POLN: variants seen among roughly 807,000 people sequenced by gnomAD.
POLN encodes DNA polymerase N.
A neutral mutation model predicts 113.5 loss-of-function variants in POLN; 108 were observed. The observed-to-expected ratio is 0.95, with a 90% confidence interval of 0.81 to 1.12. POLN has a LOEUF of 1.12. Among genes scored for constraint, POLN ranks in the 50% most tolerant of loss-of-function variants. POLN has a pLI of 0.00. For missense variants in POLN, 1,097 were observed against 1,077.1 expected, an observed-to-expected ratio of 1.02 and a Z score of -0.26; for synonymous variants, 386 against 391.5, an observed-to-expected ratio of 0.99 and a Z score of 0.17.
intron 16 of POLN, among the ~76,000 whole-genome samples, chr4:2,149,891 G>T (rs1732247732): frequency 6.6e-6 from 1 of 152,072 alleles, no homozygotes; most frequent in African/African-American, 2.4e-5. Flanking sequence ...AGACCAGCCT[G>T]GCCAACATAG....
chr4:2,144,517 G>T (rs572476892), intron 16 of POLN, among the ~76,000 whole-genome samples: 1 of 152,036 alleles, frequency 6.6e-6, no homozygotes, highest in East Asian at 1.9e-4. Context: ...ATCCTGCCAC[G>T]TGCCAGCTAT....
intron 16 of POLN, chr4:2,156,365 G>A (rs1173910188): frequency 7.1e-6 from 3 of 420,182 alleles, no homozygotes; most frequent in Non-Finnish European, 1.4e-5. Context: ...AAGTTCAAGG[G>A]AATTTAGAGC....
chr4:2,188,315 C>T (rs1238843643), intron 7 of POLN, among the ~76,000 whole-genome samples: 5 of 152,066 alleles, frequency 3.3e-5, no homozygotes, highest in Non-Finnish European at 7.4e-5. Flanking sequence ...AAGAAAAAAA[C>T]ACGGGCCGGG....
At chr4:2,191,395 C>T (rs59723681) in intron 7 of POLN, among the ~76,000 whole-genome samples, 12,590 of 152,022 alleles carry the variant, frequency 0.083, 779 homozygotes, top group African/African-American at 0.16. Context: ...CATAGTTAGG[C>T]AGAAGAAAGA....
intron 16 of POLN, among the ~76,000 whole-genome samples, chr4:2,146,600 C>T (rs776172753): frequency 4.0e-5 from 6 of 151,716 alleles, no homozygotes; most frequent in Non-Finnish European, 7.4e-5. Context: ...TAGCTTGTTA[C>T]TAGGAAAAGG....
At chr4:2,203,320 G>T (rs1044149406) in intron 5 of POLN, among the ~76,000 whole-genome samples, 1 of 152,084 alleles carries the variant, frequency 6.6e-6, no homozygotes, top group African/African-American at 2.4e-5. Context: ...GGTGGTTCAC[G>T]CCTGTAATCC....
At chr4:2,153,377 G>A (rs1382217635) in intron 16 of POLN, among the ~76,000 whole-genome samples, 3 of 152,102 alleles carry the variant, frequency 2.0e-5, no homozygotes, top group Admixed American at 2.0e-4. Flanking sequence ...GTATGTAGGT[G>A]TGAGAGAAGT....
chr4:2,154,977 C>T (rs1438438697), intron 16 of POLN, among the ~76,000 whole-genome samples: 3 of 152,154 alleles, frequency 2.0e-5, no homozygotes, highest in African/African-American at 7.2e-5. Flanking sequence ...CACTGAGAAC[C>T]TGGGAGGAGT....
intron 16 of POLN, among the ~76,000 whole-genome samples, chr4:2,150,356 C>G (rs949914411): frequency 2.0e-5 from 3 of 151,634 alleles, no homozygotes; most frequent in Non-Finnish European, 4.4e-5. Context: ...GAGAACAATA[C>G]CAGGGATAAA....
intron 3 of POLN, among the ~76,000 whole-genome samples, chr4:2,222,445 A>G (rs61792601): frequency 0.083 from 12,642 of 152,174 alleles, 786 homozygotes; most frequent in African/African-American, 0.17. Flanking sequence ...AGCTACTCAG[A>G]AGAATCACCT....
At chr4:2,192,114 CAAAAAAA>C (rs772637540) in intron 7 of POLN, among the ~76,000 whole-genome samples, 1 of 66,940 alleles carries the variant, frequency 1.5e-5, no homozygotes, top group Non-Finnish European at 3.3e-5. Flanking sequence ...GACTCCATCT[CAAAAAAA>C]AAAAAAAAAA....
intron 6 of POLN, among the ~76,000 whole-genome samples, chr4:2,195,462 T>G (rs1464351756): frequency 1.3e-5 from 2 of 151,086 alleles, no homozygotes; most frequent in South Asian, 2.1e-4. Flanking sequence ...TAATTCTGTT[T>G]TTTTTTTTTT....
intron 3 of POLN, among the ~76,000 whole-genome samples, chr4:2,220,824 C>CA (rs1560098457): frequency 1.3e-5 from 2 of 151,924 alleles, no homozygotes; most frequent in Admixed American, 6.5e-5. Flanking sequence ...GAGGGGGCCG[C>CA]AAAAAAGAAA....
chr4:2,083,725 A>G (rs1238158286), intron 21 of POLN, among the ~76,000 whole-genome samples: 1 of 152,252 alleles, frequency 6.6e-6, no homozygotes, highest in Non-Finnish European at 1.5e-5. Context: ...CAGAGAAAGC[A>G]GGGGACCACA....
intron 13 of POLN, among the ~76,000 whole-genome samples, chr4:2,166,548 A>G (rs1182296759): frequency 6.6e-6 from 1 of 152,156 alleles, no homozygotes; most frequent in Non-Finnish European, 1.5e-5. Context: ...TTTCCAGAGG[A>G]GGCTGGCATG....
intron 13 of POLN, among the ~76,000 whole-genome samples, chr4:2,168,286 G>A (rs1392314840): frequency 6.6e-6 from 1 of 152,214 alleles, no homozygotes; most frequent in Non-Finnish European, 1.5e-5. Context: ...AGGGCAGGGA[G>A]GGGACAGGCG....
Position 2,080,144 on chromosome 4 carries a change from T to G in POLN, c.2387+814A>C, listed in dbSNP as rs1243028512. On this transcript the variant is annotated intron_variant, in intron 23 of 25. Transcript: ENST00000511885. ...GGGCAGGTTAGCTCCCAGAAGGGGC[T>G]CCGGGACTCCTGAGGGGATCCCGCA... 5.1e-6 allele frequency: 5 copies of G among 985,482 alleles called. No homozygotes were observed. In the African/African-American group the frequency reaches 8.7e-5, roughly 17 times the overall value. 61.0% of individuals were successfully genotyped at this position (985,482 alleles called of 1,614,324 possible).
rs188928175 is a variant in POLN, at chr4:2,088,243, T to C, written c.2066-2499A>G. On this transcript the variant is annotated intron_variant, in intron 20 of 25. Coordinates refer to ENST00000511885, the MANE Select transcript of POLN (RefSeq NM_181808.4). ...ATTTTAGTATTTATCTACAGAAAAA[T>C]AATGAAACTAGGAATTATATCGTAT... is the stretch of plus-strand genomic sequence containing the variant. 2.2e-4 allele frequency among the ~76,000 whole-genome samples: 33 copies of C among 152,268 alleles called. No individual in the cohort carries two copies. In the East Asian group the frequency reaches 5.2e-3, roughly 24 times the overall value.
intron 16 of POLN, among the ~76,000 whole-genome samples, chr4:2,146,045 C>A (rs1320258379): frequency 6.6e-5 from 10 of 150,546 alleles, no homozygotes; most frequent in Non-Finnish European, 4.4e-5. Context: ...TTTAAAATAG[C>A]AAAAAAAAGA....
Sources: allele counts gnomAD v4.1 joint callset (sites outside exome capture counted in the v4.1 genomes callset), GRCh38; gene constraint gnomAD v4.1.1; transcripts MANE v1.5; gene names NCBI Gene and HGNC (gene_info 2026-07-23, HGNC 2026-07-21).